The following NXN variants were observed in gnomAD, a reference collection of about 807,000 sequenced individuals.
NXN encodes nucleoredoxin 1.
In NXN, 16 loss-of-function variants were observed where a neutral mutation model predicts 48.6. The observed-to-expected ratio is 0.33, with a 90% CI of 0.22 to 0.50. NXN has a LOEUF of 0.50. Among genes scored for constraint, NXN ranks in the 20% least tolerant of loss-of-function variants. The pLI is 0.98. For synonymous variants in NXN, 281 were observed against 269.6 expected, an observed-to-expected ratio of 1.04 and a Z score of -0.41; for missense variants, 492 against 605.5, an observed-to-expected ratio of 0.81 and a Z score of 1.97.
rs1241562965 is a variant in NXN, at chr17:842,997, AG to A, written c.361-16920del. ...GAGAGAAAGAGAGAAAGAGAGAAAG[AG>A]AGAAAGAGAGAAAGAAAGAAAGAAA... On this transcript the variant is annotated intron_variant, in intron 1 of 7. Transcript: ENST00000336868. Among the ~76,000 whole-genome samples, 786 of 104,646 alleles carry A rather than the reference AG, an allele frequency of 7.5e-3. 3 individuals are homozygous for A. Among genetic ancestry groups the A allele is most frequent in the African/African-American group, 0.013 (305 of 24,304 alleles). 68.7% of individuals were successfully genotyped at this position (104,646 alleles called of 152,430 possible).
intron 5 of NXN, among the ~76,000 whole-genome samples, chr17:809,818 T>C (rs1039954975): frequency 6.6e-6 from 1 of 152,100 alleles, no homozygotes; most frequent in Non-Finnish European, 1.5e-5. Flanking sequence ...CGAGTCCGTG[T>C]GAGCGGCGGG....
chr17:951,765 G>T (rs3813436), intron 1 of NXN, among the ~76,000 whole-genome samples: 6 of 152,030 alleles, frequency 3.9e-5, no homozygotes, highest in Admixed American at 1.3e-4. Context: ...CCAGAGGGGC[G>T]GGCAGCAGGA....
intron 1 of NXN, among the ~76,000 whole-genome samples, chr17:960,291 T>G (rs907818795): frequency 1.3e-5 from 2 of 152,176 alleles, no homozygotes; most frequent in Non-Finnish European, 2.9e-5. Flanking sequence ...CTTTTCTGAA[T>G]GCAGTATGTG....
At chr17:858,679 A>T (rs111247782) in intron 1 of NXN, among the ~76,000 whole-genome samples, 1,540 of 151,980 alleles carry the variant, frequency 0.01, 23 homozygotes, top group African/African-American at 0.035. Flanking sequence ...CAGTGAGACA[A>T]GATCGCGCCA....
At chr17:881,310 C>T (rs2068281476) in intron 1 of NXN, among the ~76,000 whole-genome samples, 1 of 152,164 alleles carries the variant, frequency 6.6e-6, no homozygotes, top group African/African-American at 2.4e-5. Flanking sequence ...TGCAGTGGTG[C>T]GATCTCAGCT....
intron 1 of NXN, among the ~76,000 whole-genome samples, chr17:874,176 C>T (rs529728639): frequency 6.6e-6 from 1 of 152,330 alleles, no homozygotes; most frequent in Non-Finnish European, 1.5e-5. Flanking sequence ...CATCCTTCTC[C>T]TTCCTGCCAC....
At chr17:868,549 T>A (rs1410156171) in intron 1 of NXN, among the ~76,000 whole-genome samples, 1 of 152,184 alleles carries the variant, frequency 6.6e-6, no homozygotes, top group Non-Finnish European at 1.5e-5. Flanking sequence ...TGGAGTGCAG[T>A]GATGCGATCT....
intron 1 of NXN, among the ~76,000 whole-genome samples, chr17:957,304 C>CG (rs1184414593): frequency 2.0e-5 from 3 of 151,436 alleles, no homozygotes; most frequent in East Asian, 2.0e-4. Context: ...AGGAACCCCC[C>CG]GGGATCTTCT....
intron 1 of NXN, among the ~76,000 whole-genome samples, chr17:954,692 G>A (rs530096992): frequency 3.3e-5 from 5 of 152,308 alleles, no homozygotes; most frequent in East Asian, 1.9e-4. Flanking sequence ...CTAACTGCCC[G>A]GACGGGCCCC....
At chr17:906,981 A>C (rs2068587412) in intron 1 of NXN, among the ~76,000 whole-genome samples, 1 of 152,100 alleles carries the variant, frequency 6.6e-6, no homozygotes, top group Non-Finnish European at 1.5e-5. Context: ...TGGTCTATAA[A>C]CATTTTGCAC....
intron 1 of NXN, among the ~76,000 whole-genome samples, chr17:899,624 GC>G (rs1379299842): frequency 6.6e-6 from 1 of 152,118 alleles, no homozygotes; most frequent in Non-Finnish European, 1.5e-5. Context: ...CACGGATTCC[GC>G]ACTTTCCTCC....
Position 932,738 on chromosome 17 carries a change from C to T in NXN, c.360+46581G>A, listed in dbSNP as rs2068867424. On this transcript the variant is annotated intron_variant, in intron 1 of 7. Transcript: ENST00000336868. This position sits in a 1 kb window ranked among gnomAD's most constrained non-coding sequence, Gnocchi z 4.1. ...GTGGGCTGTGTGGTCCCCGGACAAGCAGCTGAGTGGGTGGGGAGTGCCTTG... is the reference window on the plus strand; with the variant it reads ...GTGGGCTGTGTGGTCCCCGGACAAGTAGCTGAGTGGGTGGGGAGTGCCTTG... Among the ~76,000 whole-genome samples the T allele has an allele frequency of 6.6e-6, 1 of 152,182 alleles. No individual in the cohort carries two copies. Among genetic ancestry groups the T allele is most frequent in the Non-Finnish European group, 1.5e-5 (1 of 68,034 alleles).
intron 1 of NXN, among the ~76,000 whole-genome samples, chr17:856,001 T>C (rs569962559): frequency 1.3e-5 from 2 of 152,272 alleles, no homozygotes; most frequent in East Asian, 3.9e-4. Flanking sequence ...AAGACCATCC[T>C]GGCCAACATG....
intron 1 of NXN, among the ~76,000 whole-genome samples, chr17:845,926 G>A (rs2067854998): frequency 6.6e-6 from 1 of 152,098 alleles, no homozygotes. Flanking sequence ...AGCCGGGTGT[G>A]GTGGCTCATG....
chr17:955,790 A>C (rs929012557), intron 1 of NXN, among the ~76,000 whole-genome samples: 4 of 151,856 alleles, frequency 2.6e-5, no homozygotes, highest in Admixed American at 2.0e-4. Context: ...TAGTCCCAGC[A>C]ACTCGGGAGG....
chr17:846,428 AAAAGAAAAG>A (rs1405221264), intron 1 of NXN, among the ~76,000 whole-genome samples: 16 of 149,470 alleles, frequency 1.1e-4, no homozygotes, highest in Non-Finnish European at 2.4e-4. Context: ...AAAAAAAAAA[AAAAGAAAAG>A]AAAAAAGAAA....
At chr17:975,682 C>G (rs1015932162) in intron 1 of NXN, among the ~76,000 whole-genome samples, 1 of 152,178 alleles carries the variant, frequency 6.6e-6, no homozygotes, top group Admixed American at 6.5e-5. Context: ...GTCAGTGCAC[C>G]CACACTGACC....
chr17:813,769 C>T (rs576233717), intron 5 of NXN, among the ~76,000 whole-genome samples: 83 of 149,804 alleles, frequency 5.5e-4, no homozygotes, highest in African/African-American at 2.0e-3. Context: ...GAGTTTGAGA[C>T]CAGCCTGGTC....
At chr17:913,735 C>A (rs1049815179) in intron 1 of NXN, among the ~76,000 whole-genome samples, 8 of 152,110 alleles carry the variant, frequency 5.3e-5, no homozygotes, top group Non-Finnish European at 7.3e-5. Context: ...CCTGCTCTTT[C>A]TTATCCTTGT....
Sources: gnomAD v4.1 joint callset for allele counts (sites outside exome capture counted in the v4.1 genomes callset) on GRCh38, gnomAD v4.1.1 for gene constraint, Gnocchi (gnomAD v3.1) non-coding constraint, MANE v1.5 for transcripts, NCBI Gene and HGNC (gene_info 2026-07-23, HGNC 2026-07-21) for gene names.